ANGPT1: variants seen among roughly 807,000 people sequenced by gnomAD.
ANGPT1 encodes the protein angiopoietin-1.
In ANGPT1, 17 loss-of-function variants were observed where a neutral mutation model predicts 62.2. The ratio of observed to expected loss-of-function variants is 0.27; its 90% CI spans 0.19 to 0.41. ANGPT1 has a LOEUF of 0.41. Among genes scored for constraint, ANGPT1 ranks in the 10% least tolerant of loss-of-function variants. The probability of loss-of-function intolerance (pLI) is 1.00; values close to 1 mark genes in which losing one functional copy is unlikely to be tolerated. For synonymous variants in ANGPT1, 199 were observed against 198.9 expected (o/e 1.00, Z 0.00); for missense variants, 478 against 594.9 (o/e 0.80, Z 2.04).
At chr8:107,260,843 A>G (rs920954973) in intron 8 of ANGPT1, among the ~76,000 whole-genome samples, 3 of 152,346 alleles carry the variant, frequency 2.0e-5, no homozygotes, top group Non-Finnish European at 2.9e-5. Context: ...ATTGGGTCCA[A>G]GAATAATTAT....
chr8:107,476,693 G>A (rs1347991357), intron 1 of ANGPT1, among the ~76,000 whole-genome samples: 2 of 152,054 alleles, frequency 1.3e-5, no homozygotes, highest in African/African-American at 4.8e-5. Context: ...GTAATATTAA[G>A]AATTCCTTGT....
chr8:107,401,239 A>G (rs865882696), intron 1 of ANGPT1, among the ~76,000 whole-genome samples: 1 of 152,018 alleles, frequency 6.6e-6, no homozygotes. Context: ...TGGGTAATCC[A>G]TTAATAGCAA....
intron 1 of ANGPT1, among the ~76,000 whole-genome samples, chr8:107,410,347 GA>G (rs779882807): frequency 6.6e-6 from 1 of 152,148 alleles, no homozygotes; most frequent in Non-Finnish European, 1.5e-5. Flanking sequence ...CTAAGAACTA[GA>G]AAGTCCCTAG....
chr8:107,384,997 C>T (rs192432066), intron 1 of ANGPT1, among the ~76,000 whole-genome samples: 1 of 152,146 alleles, frequency 6.6e-6, no homozygotes, highest in African/African-American at 2.4e-5. Flanking sequence ...GTAACAGTAC[C>T]ATGCTATTTT....
chr8:107,307,307 T>C (rs1049860720), intron 4 of ANGPT1, among the ~76,000 whole-genome samples: 2 of 152,078 alleles, frequency 1.3e-5, no homozygotes, highest in East Asian at 1.9e-4. Context: ...CACCTTTGCA[T>C]AGGTAAATCC....
chr8:107,422,059 C>T (rs1231168947), intron 1 of ANGPT1, among the ~76,000 whole-genome samples: 1 of 152,082 alleles, frequency 6.6e-6, no homozygotes, highest in African/African-American at 2.4e-5. Context: ...CCATCCATAC[C>T]TCTAAAATTT....
In ANGPT1 at chr8:107,467,520, A is replaced by G. The variant is rs955731567; in HGVS notation, c.297+29742T>C. ...GTCGTTCACCTGAAGAAACCTGGGGACTTAATTGGGATTTTATGATCCAGT... is the reference window on the plus strand; with the variant it reads ...GTCGTTCACCTGAAGAAACCTGGGGGCTTAATTGGGATTTTATGATCCAGT... On this transcript the variant is annotated intron_variant, in intron 1 of 8. Transcript: ENST00000517746. 1.4e-4 allele frequency among the ~76,000 whole-genome samples: 22 copies of G among 152,170 alleles called. No homozygotes were observed. In the East Asian group the frequency reaches 3.7e-3, roughly 25 times the overall value.
chr8:107,403,816 G>C (rs971354938), intron 1 of ANGPT1, among the ~76,000 whole-genome samples: 3 of 152,062 alleles, frequency 2.0e-5, no homozygotes, highest in African/African-American at 7.2e-5. Context: ...GGCTCTGCTT[G>C]AAAGCAGAGA....
At chr8:107,306,955 T>C (rs1360665652) in intron 4 of ANGPT1, among the ~76,000 whole-genome samples, 2 of 151,994 alleles carry the variant, frequency 1.3e-5, no homozygotes, top group Non-Finnish European at 2.9e-5. Flanking sequence ...ACCGAACAGA[T>C]GTCAGGGGGA....
At chr8:107,354,275 T>C (rs545601257) in intron 1 of ANGPT1, among the ~76,000 whole-genome samples, 1 of 152,296 alleles carries the variant, frequency 6.6e-6, no homozygotes, top group East Asian at 1.9e-4. Context: ...TATTTGCACG[T>C]CTGCTTAATT....
At chr8:107,275,284 C>T (rs1489552335) in intron 7 of ANGPT1, among the ~76,000 whole-genome samples, 2 of 152,118 alleles carry the variant, frequency 1.3e-5, no homozygotes, top group Admixed American at 1.3e-4. Flanking sequence ...GTTCTCCTTT[C>T]TCTTAGCATC....
In ANGPT1 at chr8:107,284,690, T is replaced by G. The variant is rs1428543266; in HGVS notation, c.1197A>C (p.Gln399His). The change falls in exon 7 of 9, where the codon CAA (glutamine) becomes CAC (histidine). Residue 399 changes from glutamine to histidine, a missense_variant. Gln to His is a conservative substitution (Grantham distance 24). Coordinates refer to ENST00000517746, the MANE Select transcript of ANGPT1 (RefSeq NM_001146.5). ...YDRFHIGNEK[Q>H]NYRLYLKGHT... is the part of the protein sequence containing the mutation. Reference sequence around the variant, plus strand: ...ACTGTAGCATGACTTACCTATAGTTTTGCTTTTCATTTCCTATGTGGAATC... The same window carrying G: ...ACTGTAGCATGACTTACCTATAGTTGTGCTTTTCATTTCCTATGTGGAATC... The G allele has an allele frequency of 1.3e-6, 2 of 1,582,848 alleles. No individual in the cohort carries two copies.
chr8:107,318,737 G>A (rs981034345), intron 4 of ANGPT1, among the ~76,000 whole-genome samples: 1 of 151,766 alleles, frequency 6.6e-6, no homozygotes, highest in Non-Finnish European at 1.5e-5. Flanking sequence ...TATTTTTGGA[G>A]TAAAACGTGA....
chr8:107,488,081 G>A (rs563698633), intron 1 of ANGPT1, among the ~76,000 whole-genome samples: 3 of 152,244 alleles, frequency 2.0e-5, no homozygotes, highest in Admixed American at 2.0e-4. Flanking sequence ...TTAACCAAGA[G>A]TACTCTATTA....
At chr8:107,436,246 A>C (rs1351227281) in intron 1 of ANGPT1, among the ~76,000 whole-genome samples, 2 of 152,212 alleles carry the variant, frequency 1.3e-5, no homozygotes, top group Non-Finnish European at 2.9e-5. Flanking sequence ...GAATCAGAAA[A>C]GGTAAGTCCT....
rs1432941660 is a variant in ANGPT1 at position 107,378,935 on chromosome 8, T to TAC, written c.298-31839_298-31838insGT. The stretch of plus-strand genomic sequence containing the variant: ...AAATATATATATATATACACATACA[T>TAC]ATATATATATATACTCTATTATATA... On this transcript the variant is annotated intron_variant, in intron 1 of 8. Coordinates refer to ENST00000517746, the MANE Select transcript of ANGPT1 (RefSeq NM_001146.5). Among the ~76,000 whole-genome samples the TAC allele has an allele frequency of 1.4e-3, 17 of 12,102 alleles. No individual in the cohort carries two copies. In the East Asian group the frequency reaches 0.068, roughly 48 times the overall value. The allele number at this position is 12,102 out of a possible 152,430, so 7.9% of individuals were successfully genotyped here.
At chr8:107,481,419 A>C (rs985530747) in intron 1 of ANGPT1, among the ~76,000 whole-genome samples, 1 of 150,984 alleles carries the variant, frequency 6.6e-6, no homozygotes, top group Non-Finnish European at 1.5e-5. Flanking sequence ...CTGTAGTCCC[A>C]GCTACTTGGG....
At chr8:107,269,421 C>A (rs139802368) in intron 7 of ANGPT1, among the ~76,000 whole-genome samples, 254 of 152,076 alleles carry the variant, frequency 1.7e-3, no homozygotes, top group Non-Finnish European at 2.3e-3. Context: ...TAACTATCAT[C>A]TGTGGCTTTC....
intron 1 of ANGPT1, among the ~76,000 whole-genome samples, chr8:107,406,327 A>G (rs1400708782): frequency 6.6e-6 from 1 of 151,902 alleles, no homozygotes; most frequent in African/African-American, 2.4e-5. Context: ...TATCTCTTTA[A>G]TAAATCTGAC....
Sources: gnomAD v4.1 joint callset for allele counts (sites outside exome capture counted in the v4.1 genomes callset) on GRCh38, gnomAD v4.1.1 for gene constraint, MANE v1.5 for transcripts, NCBI Gene and HGNC (gene_info 2026-07-23, HGNC 2026-07-21) for gene names.